Variants in COLEC11 observed in about 807,000 individuals in gnomAD.
The protein encoded by COLEC11 is collectin-11.
In COLEC11, 20 loss-of-function variants were observed where a neutral mutation model predicts 27.3. The observed-to-expected ratio is 0.73, with a 90% CI of 0.51 to 1.06. The LOEUF (loss-of-function observed/expected upper bound fraction) is 1.06. Among genes scored for constraint, COLEC11 ranks in the 50% least tolerant of loss-of-function variants. The probability of loss-of-function intolerance (pLI) is 0.00; values close to 1 mark genes in which losing one functional copy is unlikely to be tolerated. For missense variants in COLEC11, 310 were observed against 383.0 expected, an observed-to-expected ratio of 0.81 and a Z score of 1.59; for synonymous variants, 163 against 154.7, an observed-to-expected ratio of 1.05 and a Z score of -0.40.
chr2:3,603,773 C>G (rs887045232), intron 1 of COLEC11: 3 of 1,047,378 alleles, frequency 2.9e-6, no homozygotes, highest in Non-Finnish European at 4.3e-6. Flanking sequence ...CGGGGCTCCT[C>G]TCTCCTTACT....
intron 3 of COLEC11, among the ~76,000 whole-genome samples, chr2:3,635,501 C>T (rs11123563): frequency 0.24 from 35,889 of 152,106 alleles, 5,809 homozygotes; most frequent in African/African-American, 0.46. Flanking sequence ...ACACCCTCTC[C>T]GATGCTTTCC....
chr2:3,601,714 G>A (rs1662238373), intron 1 of COLEC11, among the ~76,000 whole-genome samples: 1 of 152,200 alleles, frequency 6.6e-6, no homozygotes, highest in Non-Finnish European at 1.5e-5. Context: ...TCTTCGGCAA[G>A]TGAAGCTCTC....
chr2:3,636,752 T>G (rs10183413), intron 3 of COLEC11, among the ~76,000 whole-genome samples: 2 of 152,092 alleles, frequency 1.3e-5, no homozygotes, highest in Middle Eastern at 3.4e-3. Context: ...CGGGAGGGAG[T>G]ACTGAGAAAC....
chr2:3,616,861 G>A (rs905947546), intron 3 of COLEC11, among the ~76,000 whole-genome samples: 3 of 152,202 alleles, frequency 2.0e-5, no homozygotes, highest in Admixed American at 6.5e-5. Flanking sequence ...TTCACTTAGC[G>A]TAATGCCCTC....
chr2:3,607,094 C>G (rs13386282), intron 2 of COLEC11, among the ~76,000 whole-genome samples: 156 of 151,990 alleles, frequency 1.0e-3, no homozygotes, highest in Non-Finnish European at 1.6e-3. Flanking sequence ...CCACAACCCC[C>G]TGTGTTTTGG....
At position 3,602,280 on chromosome 2, in the gene COLEC11, A is replaced by G. The variant is rs1457039638; in HGVS notation, c.-26-2035A>G. Among the ~76,000 whole-genome samples the G allele has an allele frequency of 6.6e-6, 1 of 151,938 alleles. No homozygotes were observed. The highest frequency in any genetic ancestry group is 6.6e-5 in the Admixed American group (1 of 15,262). ...CTGACCCCCAAGCCTTGCAAACCGA[A>G]CCATTGCTCCACCCACTGGGTCACA... On this transcript the variant is annotated intron_variant, in intron 1 of 6. Coordinates refer to ENST00000349077, the MANE Select transcript of COLEC11 (RefSeq NM_024027.5). The surrounding 1 kb of genome is among the most constrained non-coding windows in gnomAD (Gnocchi z 6.2).
chr2:3,643,624 C>A, intron 6 of COLEC11, 85 bp downstream of exon 6: 1 of 1,598,120 alleles, frequency 6.3e-7, no homozygotes, highest in Non-Finnish European at 8.6e-7. Flanking sequence ...GCCGTGCCCA[C>A]GCCTGCCCTG....
At chr2:3,629,710 T>G (rs1466977523) in intron 3 of COLEC11, among the ~76,000 whole-genome samples, 2 of 152,094 alleles carry the variant, frequency 1.3e-5, no homozygotes, top group East Asian at 3.9e-4. Flanking sequence ...GAGTATGCCT[T>G]TGTCTATGTA....
At chr2:3,606,624 A>G (rs1470092986) in intron 2 of COLEC11, among the ~76,000 whole-genome samples, 2 of 152,192 alleles carry the variant, frequency 1.3e-5, no homozygotes, top group Non-Finnish European at 2.9e-5. Flanking sequence ...TGACTTACAA[A>G]GCACTAACCC....
intron 2 of COLEC11, among the ~76,000 whole-genome samples, chr2:3,611,261 C>T (rs115180598): frequency 0.024 from 3,620 of 152,326 alleles, 153 homozygotes; most frequent in African/African-American, 0.08. Flanking sequence ...TCCTCCTCAC[C>T]GCTGGCTCCA....
chr2:3,639,812 G>A (rs1031862353), intron 4 of COLEC11, among the ~76,000 whole-genome samples: 1 of 152,214 alleles, frequency 6.6e-6, no homozygotes, highest in African/African-American at 2.4e-5. Flanking sequence ...CTACGAGCAG[G>A]GATGGGAAGG....
At chr2:3,617,036 CTG>C (rs1480122332) in intron 3 of COLEC11, among the ~76,000 whole-genome samples, 3 of 152,108 alleles carry the variant, frequency 2.0e-5, no homozygotes, top group African/African-American at 7.2e-5. Flanking sequence ...CAGCATGAAA[CTG>C]TAGGGATCTC....
chr2:3,601,453 C>T (rs1286233191), intron 1 of COLEC11, among the ~76,000 whole-genome samples: 1 of 152,112 alleles, frequency 6.6e-6, no homozygotes, highest in Non-Finnish European at 1.5e-5. Context: ...AGGTGCGTGA[C>T]ACTACACCTG....
intron 4 of COLEC11, among the ~76,000 whole-genome samples, chr2:3,638,539 A>G (rs976033332): frequency 3.3e-5 from 5 of 152,150 alleles, no homozygotes; most frequent in Admixed American, 3.3e-4. Flanking sequence ...CCAGGTACCA[A>G]GAGGCTACGG....
At chr2:3,616,506 G>C (rs1164835687) in intron 3 of COLEC11, among the ~76,000 whole-genome samples, 6 of 152,186 alleles carry the variant, frequency 3.9e-5, no homozygotes, top group East Asian at 3.9e-4. Flanking sequence ...TCTGCAATCC[G>C]GGCACCTCGG....
intron 2 of COLEC11, 150 bp downstream of exon 2, chr2:3,604,620 A>G: frequency 1.1e-6 from 1 of 891,752 alleles, no homozygotes; most frequent in Non-Finnish European, 1.8e-6. Flanking sequence ...CTGGAAATCA[A>G]GGGTTGGGTG....
chr2:3,631,827 G>A (rs1038865149), intron 3 of COLEC11, among the ~76,000 whole-genome samples: 1 of 152,188 alleles, frequency 6.6e-6, no homozygotes, highest in Non-Finnish European at 1.5e-5. Context: ...CTGGGCTTGG[G>A]AGTAGGGCAC....
intron 1 of COLEC11, among the ~76,000 whole-genome samples, chr2:3,596,486 A>C (rs1661849722): frequency 6.6e-6 from 1 of 151,974 alleles, no homozygotes; most frequent in South Asian, 2.1e-4. Context: ...ACAGGTGTGC[A>C]TCATGGCACC....
chr2:3,602,157 A>C lies in COLEC11; in HGVS notation c.-26-2158A>C, dbSNP rs990108280. The C allele has an allele frequency of 4.6e-5, 7 of 152,064 alleles. No individual in the cohort carries two copies. Among genetic ancestry groups the C allele is most frequent in the Admixed American group, 2.0e-4 (3 of 15,270 alleles). The allele number at this position is 152,064 out of a possible 1,614,324, so 9.4% of individuals were successfully genotyped here. On this transcript the variant is annotated intron_variant, in intron 1 of 6. Coordinates refer to ENST00000349077, the MANE Select transcript of COLEC11 (RefSeq NM_024027.5). The surrounding 1 kb of genome is among the most constrained non-coding windows in gnomAD (Gnocchi z 6.2). ...GGGCTGTTGATGTGGGAAGCCCCCC[A>C]CCACAGATGGCCTTTCTCTAGCAGC...
Sources: gnomAD v4.1 joint callset for allele counts (sites outside exome capture counted in the v4.1 genomes callset) on GRCh38, gnomAD v4.1.1 for gene constraint, Gnocchi (gnomAD v3.1) non-coding constraint, MANE v1.5 for transcripts, NCBI Gene and HGNC (gene_info 2026-07-23, HGNC 2026-07-21) for gene names.